Variants in PRKCE observed in about 807,000 individuals in gnomAD.
PRKCE encodes protein kinase C epsilon type.
PRKCE carries 16 observed loss-of-function variants against 85.4 expected under a neutral mutation model. The observed-to-expected ratio is 0.19, with a 90% confidence interval of 0.13 to 0.28. The LOEUF is 0.28. PRKCE is among the 10% of genes least tolerant of loss of function. PRKCE has a pLI of 1.00. For synonymous variants in PRKCE, 388 were observed against 371.5 expected, an observed-to-expected ratio of 1.04 and a Z score of -0.51; for missense variants, 573 against 975.2, an observed-to-expected ratio of 0.59 and a Z score of 5.49.
intron 10 of PRKCE, among the ~76,000 whole-genome samples, chr2:46,027,848 A>G (rs1405081628): frequency 6.6e-6 from 1 of 152,208 alleles, no homozygotes; most frequent in Non-Finnish European, 1.5e-5. Flanking sequence ...ACCAAGGCCA[A>G]GATGGGGCTC....
At chr2:45,788,887 C>G (rs1340343783) in intron 1 of PRKCE, among the ~76,000 whole-genome samples, 1 of 152,214 alleles carries the variant, frequency 6.6e-6, no homozygotes, top group Non-Finnish European at 1.5e-5. Context: ...AGGGCATTGA[C>G]TTACACCATT....
At chr2:46,177,777 A>G (rs186974491) in intron 14 of PRKCE, among the ~76,000 whole-genome samples, 216 of 152,308 alleles carry the variant, frequency 1.4e-3, no homozygotes, top group Non-Finnish European at 2.1e-3. Context: ...GATTGATACA[A>G]CTAAGATAGT....
intron 5 of PRKCE, 133 bp from the exon 6 acceptor site, chr2:45,984,418 T>C: frequency 7.5e-7 from 1 of 1,324,618 alleles, no homozygotes; most frequent in Non-Finnish European, 1.0e-6. Context: ...GGGCAGCTTT[T>C]AGAGCCAAGC....
In PRKCE at chr2:46,184,119, T is replaced by C. The variant is rs776579499; in HGVS notation, c.2068-616T>C. ...ACTCAAAGTTGAACAAGACAAGGTC[T>C]CTGCCTTTAAGAAGCTCTTGGTCTA... On this transcript the variant is annotated intron_variant, in intron 14 of 14. Coordinates refer to ENST00000306156, the MANE Select transcript of PRKCE (RefSeq NM_005400.3). The surrounding 1 kb of genome is among the most constrained non-coding windows in gnomAD (Gnocchi z 5.0). 6.6e-6 allele frequency among the ~76,000 whole-genome samples: 1 copy of C among 152,236 alleles called. No homozygotes were observed. The highest frequency in any genetic ancestry group is 1.5e-5 in the Non-Finnish European group (1 of 68,046).
intron 2 of PRKCE, among the ~76,000 whole-genome samples, chr2:45,916,212 T>C (rs1697761045): frequency 6.6e-6 from 1 of 151,932 alleles, no homozygotes; most frequent in Admixed American, 6.6e-5. Flanking sequence ...GAACTAGTTC[T>C]TCTATATTCT....
intron 1 of PRKCE, among the ~76,000 whole-genome samples, chr2:45,693,953 C>T (rs988417005): frequency 6.6e-6 from 1 of 151,776 alleles, no homozygotes; most frequent in Non-Finnish European, 1.5e-5. Flanking sequence ...GATAGGGAGT[C>T]GTGGTGTGAA....
At chr2:45,685,816 ATAGAC>A (rs1376811248) in intron 1 of PRKCE, among the ~76,000 whole-genome samples, 1 of 152,208 alleles carries the variant, frequency 6.6e-6, no homozygotes, top group Non-Finnish European at 1.5e-5. Flanking sequence ...TCTGCACACT[ATAGAC>A]TAGAGCACTC....
At position 45,702,311 on chromosome 2, in the gene PRKCE, T is replaced by C. The variant is rs189249595; in HGVS notation, c.348+49863T>C. Reference sequence around the variant, plus strand: ...TTAGTAGCTGGTAAGGAGGCTTTAGTGTTGGGCAGCCCGGAATACTAGTCC... The same window carrying C: ...TTAGTAGCTGGTAAGGAGGCTTTAGCGTTGGGCAGCCCGGAATACTAGTCC... On this transcript the variant is annotated intron_variant, in intron 1 of 14. Coordinates refer to ENST00000306156, the MANE Select transcript of PRKCE (RefSeq NM_005400.3). Among the ~76,000 whole-genome samples the C allele has an allele frequency of 5.6e-3, 853 of 152,240 alleles. 17 individuals carry two copies. The highest frequency in any genetic ancestry group is 0.01 in the Middle Eastern group (3 of 294).
chr2:45,984,767 T>C, intron 6 of PRKCE, 87 bp downstream of exon 6: 1 of 1,514,898 alleles, frequency 6.6e-7, no homozygotes, highest in East Asian at 2.3e-5. Flanking sequence ...AAAACCCTTG[T>C]CTGATTCCAG....
At chr2:45,725,929 G>C (rs1462727800) in intron 1 of PRKCE, among the ~76,000 whole-genome samples, 1 of 152,170 alleles carries the variant, frequency 6.6e-6, no homozygotes, top group East Asian at 1.9e-4. Context: ...TTTGGAGGAA[G>C]TTAATTCCAG....
At chr2:46,132,160 T>C (rs939744006) in intron 11 of PRKCE, among the ~76,000 whole-genome samples, 2 of 152,128 alleles carry the variant, frequency 1.3e-5, no homozygotes, top group African/African-American at 4.8e-5. Flanking sequence ...GATTCTCTTT[T>C]TGGGTTTCCC....
chr2:45,833,285 T>C (rs1690589206), intron 1 of PRKCE, among the ~76,000 whole-genome samples: 1 of 152,226 alleles, frequency 6.6e-6, no homozygotes, highest in Non-Finnish European at 1.5e-5. Context: ...TACAAATTCC[T>C]GAGTTCCTGA....
At chr2:46,170,677 C>T (rs1308752747) in intron 14 of PRKCE, among the ~76,000 whole-genome samples, 1 of 152,046 alleles carries the variant, frequency 6.6e-6, no homozygotes, top group African/African-American at 2.4e-5. Context: ...CAGTATATGC[C>T]CGGGAATTTG....
At chr2:45,780,769 G>T (rs1287569995) in intron 1 of PRKCE, among the ~76,000 whole-genome samples, 3 of 152,196 alleles carry the variant, frequency 2.0e-5, no homozygotes, top group Non-Finnish European at 4.4e-5. Flanking sequence ...ATGAGTGGAA[G>T]TCATAGCTTC....
chr2:45,931,150 A>G (rs2104048215), intron 2 of PRKCE, among the ~76,000 whole-genome samples: 1 of 152,272 alleles, frequency 6.6e-6, no homozygotes, highest in African/African-American at 2.4e-5. Context: ...TTGCCTCTGG[A>G]TTGATATTTT....
chr2:45,898,043 T>G (rs1179802618), intron 2 of PRKCE, among the ~76,000 whole-genome samples: 1 of 152,190 alleles, frequency 6.6e-6, no homozygotes, highest in Non-Finnish European at 1.5e-5. Flanking sequence ...GTTGGGCAAG[T>G]GCACACCAGG....
chr2:45,835,682 C>A (rs13016760), intron 1 of PRKCE, among the ~76,000 whole-genome samples: 1 of 151,828 alleles, frequency 6.6e-6, no homozygotes, highest in Non-Finnish European at 1.5e-5. Flanking sequence ...CCTCAAACTC[C>A]CAGGTTCAAG....
intron 2 of PRKCE, among the ~76,000 whole-genome samples, chr2:45,861,182 C>T (rs1693127815): frequency 6.6e-6 from 1 of 152,060 alleles, no homozygotes; most frequent in African/African-American, 2.4e-5. Flanking sequence ...TGTGAATGCT[C>T]CTTCGTGCTG....
At chr2:45,987,374 T>G (rs1703415365) in intron 6 of PRKCE, among the ~76,000 whole-genome samples, 1 of 152,232 alleles carries the variant, frequency 6.6e-6, no homozygotes. Context: ...AGCCAAAGTG[T>G]GCAGACTTTT....
Sources: allele counts gnomAD v4.1 joint callset (sites outside exome capture counted in the v4.1 genomes callset), GRCh38; gene constraint gnomAD v4.1.1; non-coding constraint Gnocchi (gnomAD v3.1); transcripts MANE v1.5; gene names NCBI Gene and HGNC (gene_info 2026-07-23, HGNC 2026-07-21).